Variants in DYM observed in about 807,000 individuals in gnomAD.
DYM encodes dyggve-Melchior-Clausen syndrome protein.
In DYM, 78 loss-of-function variants were observed where a neutral mutation model predicts 93.1. That is an observed-to-expected ratio of 0.84 (90% CI 0.70 to 1.01). The LOEUF (loss-of-function observed/expected upper bound fraction) is 1.01, where lower values mean the gene tolerates loss of function less well. Among genes scored for constraint, DYM ranks in the 50% least tolerant of loss-of-function variants. The pLI is 0.00. For missense variants in DYM, 789 were observed against 845.0 expected, an observed-to-expected ratio of 0.93 and a Z score of 0.82; for synonymous variants, 321 against 319.7, an observed-to-expected ratio of 1.00 and a Z score of -0.04.
chr18:49,207,637 T>C (rs559364072), intron 14 of DYM, among the ~76,000 whole-genome samples: 1 of 152,308 alleles, frequency 6.6e-6, no homozygotes, highest in Admixed American at 6.5e-5. Flanking sequence ...GAATTCTGTC[T>C]GAAGACCACA....
At chr18:49,333,895 T>A (rs746854877) in intron 6 of DYM, 42 bp from the exon 7 acceptor site, 1 of 1,566,240 alleles carries the variant, frequency 6.4e-7, no homozygotes, top group Non-Finnish European at 8.7e-7. Flanking sequence ...CTTTGGAAGA[T>A]TAAGACACTA....
chr18:49,097,377 G>C (rs1200353423), intron 17 of DYM, 25 bp downstream of exon 17: 1 of 1,604,592 alleles, frequency 6.2e-7, no homozygotes, highest in Non-Finnish European at 8.5e-7. Flanking sequence ...GCAGTGTCAA[G>C]TGGACATTTC....
chr18:49,395,278 C>T (rs79198907), intron 2 of DYM, among the ~76,000 whole-genome samples: 1 of 145,818 alleles, frequency 6.9e-6, no homozygotes, highest in Non-Finnish European at 1.5e-5. Flanking sequence ...AACTCAATGG[C>T]AAAAAAAAAA....
intron 8 of DYM, among the ~76,000 whole-genome samples, chr18:49,294,864 A>G (rs1396053157): frequency 6.6e-6 from 1 of 152,212 alleles, no homozygotes; most frequent in Non-Finnish European, 1.5e-5. Flanking sequence ...ATATTTTAAA[A>G]CTGTAATACT....
At chr18:49,124,743 C>T (rs1037855120) in intron 15 of DYM, among the ~76,000 whole-genome samples, 5 of 152,138 alleles carry the variant, frequency 3.3e-5, no homozygotes, top group Non-Finnish European at 1.5e-5. Flanking sequence ...CATATCATTT[C>T]TAGCATTACT....
intron 15 of DYM, among the ~76,000 whole-genome samples, chr18:49,158,550 A>C (rs1330714484): frequency 2.0e-5 from 3 of 152,170 alleles, no homozygotes; most frequent in Admixed American, 6.6e-5. Context: ...ATAAGTGTTA[A>C]ATTACCTACC....
intron 13 of DYM, among the ~76,000 whole-genome samples, chr18:49,243,150 G>A (rs778760144): frequency 1.1e-4 from 16 of 152,216 alleles, no homozygotes; most frequent in East Asian, 9.7e-4. Context: ...TAAGGCTTCC[G>A]TGACACTCAG....
intron 1 of DYM, among the ~76,000 whole-genome samples, chr18:49,431,027 A>T (rs922777463): frequency 6.6e-6 from 1 of 152,222 alleles, no homozygotes; most frequent in African/African-American, 2.4e-5. Flanking sequence ...CAAAATCATA[A>T]TAATGGTAAC....
At chr18:49,423,932 G>A (rs2074000862) in intron 2 of DYM, among the ~76,000 whole-genome samples, 1 of 152,122 alleles carries the variant, frequency 6.6e-6, no homozygotes, top group Non-Finnish European at 1.5e-5. Flanking sequence ...AAAAGTCCAG[G>A]ACCAGATGGA....
At chr18:49,270,532 T>C (rs2094668945) in intron 11 of DYM, among the ~76,000 whole-genome samples, 1 of 152,126 alleles carries the variant, frequency 6.6e-6, no homozygotes, top group Non-Finnish European at 1.5e-5. Flanking sequence ...TGATACTGTA[T>C]TGTATTCAGG....
intron 2 of DYM, among the ~76,000 whole-genome samples, chr18:49,401,859 C>G (rs1275026005): frequency 6.6e-6 from 1 of 151,918 alleles, no homozygotes; most frequent in Admixed American, 6.6e-5. Flanking sequence ...AACCCCATCT[C>G]TACTAAAAAT....
At chr18:49,068,992 G>A (rs1379201746) in intron 17 of DYM, among the ~76,000 whole-genome samples, 1 of 152,224 alleles carries the variant, frequency 6.6e-6, no homozygotes, top group African/African-American at 2.4e-5. Context: ...AGAATAGAAT[G>A]TATATTGAGG....
At chr18:49,163,635 T>C (rs768566559) in intron 15 of DYM, 50 bp downstream of exon 15, 3 of 1,258,594 alleles carry the variant, frequency 2.4e-6, no homozygotes. Flanking sequence ...GGAGTTACTG[T>C]GCCTGGCTGA....
intron 17 of DYM, among the ~76,000 whole-genome samples, chr18:49,077,228 G>A (rs1319553903): frequency 1.3e-5 from 2 of 152,194 alleles, no homozygotes; most frequent in Non-Finnish European, 2.9e-5. Context: ...AAGATGCAGA[G>A]TAGAAAGCCC....
At chr18:49,208,883 T>C (rs759442958) in intron 14 of DYM, 1 of 152,124 alleles carries the variant, frequency 6.6e-6, no homozygotes. Flanking sequence ...GCCCCTCTAT[T>C]TTGGTGCACG....
At chr18:49,387,232 A>C (rs2068719302) in intron 3 of DYM, among the ~76,000 whole-genome samples, 2 of 150,382 alleles carry the variant, frequency 1.3e-5, no homozygotes, top group South Asian at 4.2e-4. Flanking sequence ...CAATATTTCA[A>C]GCATTTTACT....
intron 14 of DYM, among the ~76,000 whole-genome samples, chr18:49,175,420 A>G (rs2089271473): frequency 1.3e-5 from 2 of 152,306 alleles, no homozygotes; most frequent in East Asian, 3.9e-4. Context: ...TTACGTAACA[A>G]TCTTTACTAA....
intron 14 of DYM, among the ~76,000 whole-genome samples, chr18:49,209,267 AG>A (rs2092670398): frequency 6.6e-6 from 1 of 152,192 alleles, no homozygotes; most frequent in Admixed American, 6.5e-5. Flanking sequence ...ATAAATCAAA[AG>A]ATTCCCAAAT....
chr18:49,169,405 C>A (rs115777823), intron 14 of DYM, among the ~76,000 whole-genome samples: 1 of 152,156 alleles, frequency 6.6e-6, no homozygotes, highest in Non-Finnish European at 1.5e-5. Flanking sequence ...CAGCACTGCA[C>A]GTGCATCAAG....
Sources: allele counts gnomAD v4.1 joint callset (sites outside exome capture counted in the v4.1 genomes callset), GRCh38; gene constraint gnomAD v4.1.1; transcripts MANE v1.5; gene names NCBI Gene and HGNC (gene_info 2026-07-23, HGNC 2026-07-21).